The following VEPH1 variants were observed in gnomAD, a reference collection of about 807,000 sequenced individuals.
VEPH1 encodes the protein ventricular zone expressed PH domain containing 1, also known as ventricular zone-expressed PH domain-containing protein homolog 1.
A neutral mutation model predicts 85.2 loss-of-function variants in VEPH1; 80 were observed. That is an observed-to-expected ratio of 0.94 (90% CI 0.78 to 1.13). The LOEUF (loss-of-function observed/expected upper bound fraction) is 1.13, where lower values mean the gene tolerates loss of function less well. Ranked by LOEUF, VEPH1 falls within the 50% of genes most tolerant of loss-of-function variation. VEPH1 has a pLI of 0.00. For missense variants in VEPH1, 955 were observed against 980.5 expected (o/e 0.97, Z 0.35); for synonymous variants, 297 against 348.0 (o/e 0.85, Z 1.63).
intron 4 of VEPH1, among the ~76,000 whole-genome samples, chr3:157,442,174 A>G (rs969196535): frequency 8.5e-5 from 13 of 152,128 alleles, no homozygotes; most frequent in Non-Finnish European, 1.5e-5. Flanking sequence ...GGATAAGACA[A>G]TTGGCTTTCC....
intron 9 of VEPH1, among the ~76,000 whole-genome samples, chr3:157,349,643 T>C (rs1269959846): frequency 6.6e-6 from 1 of 152,020 alleles, no homozygotes; most frequent in African/African-American, 2.4e-5. Flanking sequence ...CTAAAGATGC[T>C]ACCAAAAAAC....
chr3:157,350,183 G>A (rs903258125), intron 9 of VEPH1, among the ~76,000 whole-genome samples: 2 of 152,166 alleles, frequency 1.3e-5, no homozygotes, highest in African/African-American at 4.8e-5. Context: ...GTAGACCAAT[G>A]GAACAGAATA....
intron 3 of VEPH1, among the ~76,000 whole-genome samples, chr3:157,463,261 C>T (rs1736046920): frequency 6.6e-6 from 1 of 152,178 alleles, no homozygotes. Context: ...ACTCAGGGGT[C>T]AATCTGACCA....
chr3:157,466,479 G>A (rs1736388647), intron 3 of VEPH1, among the ~76,000 whole-genome samples: 1 of 152,178 alleles, frequency 6.6e-6, no homozygotes, highest in Admixed American at 6.5e-5. Flanking sequence ...TAATTTGCTA[G>A]CTACAAACCA....
intron 13 of VEPH1, among the ~76,000 whole-genome samples, chr3:157,262,388 T>C (rs964865273): frequency 1.3e-5 from 2 of 152,100 alleles, no homozygotes; most frequent in African/African-American, 4.8e-5. Context: ...TTTAAAAAGA[T>C]AACTAAATCA....
At chr3:157,368,379 C>T (rs1726965382) in intron 7 of VEPH1, among the ~76,000 whole-genome samples, 1 of 152,198 alleles carries the variant, frequency 6.6e-6, no homozygotes, top group Non-Finnish European at 1.5e-5. Flanking sequence ...GCATGACACT[C>T]ACTGACCCCA....
chr3:157,381,248 C>T lies in VEPH1; in HGVS notation c.1035G>A (p.Gln345=). 6.2e-7 allele frequency: 1 copy of T among 1,614,044 alleles called. No homozygotes were observed. Among genetic ancestry groups the T allele is most frequent in the Non-Finnish European group, 8.5e-7 (1 of 1,180,008 alleles). ...TDTFSSILGP[Q]SRDIFRMSNS... Reference sequence around the variant, plus strand: ...TGCTCATGCGGAAGATGTCTCTGCTCTGAGGGCCCAAGATTGAGGAGAAGG... The same window carrying T: ...TGCTCATGCGGAAGATGTCTCTGCTTTGAGGGCCCAAGATTGAGGAGAAGG... The change falls in exon 7 of 14, where the codon CAG becomes CAA. Residue 345 remains glutamine (Q), a synonymous_variant. Transcript: ENST00000362010.
chr3:157,394,006 C>T (rs1030458326), intron 6 of VEPH1, among the ~76,000 whole-genome samples: 6 of 152,184 alleles, frequency 3.9e-5, no homozygotes, highest in Admixed American at 3.9e-4. Context: ...GACAAAGCTA[C>T]TAAAACCCTG....
At chr3:157,357,980 T>A (rs1725634956) in intron 9 of VEPH1, among the ~76,000 whole-genome samples, 1 of 152,234 alleles carries the variant, frequency 6.6e-6, no homozygotes, top group Non-Finnish European at 1.5e-5. Context: ...CAGTGATTTG[T>A]TGTTACACGC....
At position 157,470,426 on chromosome 3, in the gene VEPH1, G is replaced by A. The variant is rs1560089852; in HGVS notation, c.242C>T (p.Ala81Val). ...ETESIEKHAKALVGLWDSCLE... is the reference protein window; with the variant it reads ...ETESIEKHAKVLVGLWDSCLE... The stretch of plus-strand genomic sequence containing the variant: ...GCAGGAGTCCCAGAGCCCCACAAGG[G>A]CCTTTGCATGCTTTTCAATGGACTC... Residue 81 changes from alanine to valine, a missense_variant, in exon 3 of 14, where the codon GCC (alanine) becomes GTC (valine). Physicochemically the swap from Ala to Val is moderately conservative, Grantham distance 64. Transcript: ENST00000362010. 2 of 1,614,166 alleles carry A rather than the reference G, an allele frequency of 1.2e-6. No homozygotes were observed. Among genetic ancestry groups the A allele is most frequent in the Non-Finnish European group, 1.7e-6 (2 of 1,180,028 alleles).
chr3:157,314,349 A>AAAAAAAAAAAAAAAAAAAAAAAAAAC (rs1720502346), intron 10 of VEPH1, among the ~76,000 whole-genome samples: 1 of 148,838 alleles, frequency 6.7e-6, no homozygotes, highest in African/African-American at 2.5e-5. Context: ...AAAAAAAAAA[A>AAAAAAAAAAAAAAAAAAAAAAAAAAC]AAAAAAAAAA....
At chr3:157,373,856 G>A (rs1019939947) in intron 7 of VEPH1, among the ~76,000 whole-genome samples, 5 of 152,032 alleles carry the variant, frequency 3.3e-5, no homozygotes, top group Admixed American at 6.6e-5. Flanking sequence ...TACATTGCCC[G>A]CACTCCATAC....
chr3:157,448,279 A>T lies in VEPH1; in HGVS notation c.529+11902T>A, dbSNP rs892619930. ...AAAAGGAATTTGGACTCTTGATGAGATGTTACATTTTCTTCCCAAAGACTT... is the reference window on the plus strand; with the variant it reads ...AAAAGGAATTTGGACTCTTGATGAGTTGTTACATTTTCTTCCCAAAGACTT... On this transcript the variant is annotated intron_variant, in intron 4 of 13. Coordinates refer to ENST00000362010, the MANE Select transcript of VEPH1 (RefSeq NM_001167912.2). Among the ~76,000 whole-genome samples, 3 of 152,288 alleles carry T rather than the reference A, an allele frequency of 2.0e-5. No individual in the cohort carries two copies. In the East Asian group the frequency reaches 5.8e-4, roughly 29 times the overall value.
At chr3:157,394,256 G>A (rs1450224421) in intron 6 of VEPH1, among the ~76,000 whole-genome samples, 2 of 152,206 alleles carry the variant, frequency 1.3e-5, no homozygotes, top group Non-Finnish European at 2.9e-5. Context: ...GAATGAAAAG[G>A]TAGTAGTACC....
chr3:157,430,817 A>T lies in VEPH1; in HGVS notation c.530-2329T>A, dbSNP rs1414578102. Among the ~76,000 whole-genome samples the T allele has an allele frequency of 3.3e-5, 5 of 152,210 alleles. No individual in the cohort carries two copies. In the East Asian group the frequency reaches 9.6e-4, roughly 29 times the overall value. ...GTTGTATTCATTTTCTATAGCTGTTATTAGAAATTATCTCAAAATTAGTGG... is the reference window on the plus strand; with the variant it reads ...GTTGTATTCATTTTCTATAGCTGTTTTTAGAAATTATCTCAAAATTAGTGG... On this transcript the variant is annotated intron_variant, in intron 4 of 13. Coordinates refer to ENST00000362010, the MANE Select transcript of VEPH1 (RefSeq NM_001167912.2).
chr3:157,374,114 T>G (rs914274904), intron 7 of VEPH1, among the ~76,000 whole-genome samples: 1 of 152,200 alleles, frequency 6.6e-6, no homozygotes, highest in African/African-American at 2.4e-5. Context: ...TGGTACCACA[T>G]GTCAGACTTA....
intron 9 of VEPH1, among the ~76,000 whole-genome samples, chr3:157,324,806 A>G (rs1721721657): frequency 6.6e-6 from 1 of 152,100 alleles, no homozygotes; most frequent in Non-Finnish European, 1.5e-5. Flanking sequence ...ATACACGTGC[A>G]TGTATATTTT....
intron 3 of VEPH1, among the ~76,000 whole-genome samples, chr3:157,465,855 C>A (rs1053323074): frequency 6.6e-6 from 1 of 152,174 alleles, no homozygotes; most frequent in Non-Finnish European, 1.5e-5. Flanking sequence ...AGGCAGCCTG[C>A]TTTGGTTATT....
chr3:157,488,717 T>C (rs532385905), intron 2 of VEPH1, among the ~76,000 whole-genome samples: 2 of 152,090 alleles, frequency 1.3e-5, no homozygotes, highest in African/African-American at 2.4e-5. Context: ...GACTCATACA[T>C]ACAATACTTG....
Sources: gnomAD v4.1 joint callset for allele counts (sites outside exome capture counted in the v4.1 genomes callset) on GRCh38, gnomAD v4.1.1 for gene constraint, MANE v1.5 for transcripts, NCBI Gene and HGNC (gene_info 2026-07-23, HGNC 2026-07-21) for gene names.